The following CACNG8 variants were observed in gnomAD, a reference collection of about 807,000 sequenced individuals.
CACNG8 encodes calcium voltage-gated channel auxiliary subunit gamma 8, also known as voltage-dependent calcium channel gamma-8 subunit.
Under a neutral mutation model 26.9 loss-of-function variants are expected in CACNG8, and 5 were observed. The ratio of observed to expected loss-of-function variants is 0.19; its 90% CI spans 0.10 to 0.39. The LOEUF is 0.39. CACNG8 is among the 10% of genes least tolerant of loss of function. CACNG8 has a pLI of 1.00. For missense variants in CACNG8, 473 were observed against 609.4 expected (o/e 0.78, Z 2.36); for synonymous variants, 321 against 296.7 (o/e 1.08, Z -0.84).
chr19:53,973,537 T>C (rs948531977), intron 1 of CACNG8, among the ~76,000 whole-genome samples: 3 of 138,552 alleles, frequency 2.2e-5, no homozygotes, highest in Admixed American at 7.4e-5. Context: ...AAAAAATAAA[T>C]AAATAAAAAC....
rs1491262474 is a variant in CACNG8 at position 53,980,083 on chromosome 19, T to TGCGC, written c.508+77_508+78insCGCG. The TGCGC allele has an allele frequency of 6.0e-3, 7,298 of 1,225,046 alleles. 12 individuals carry two copies. Among genetic ancestry groups the TGCGC allele is most frequent in the Admixed American group, 8.4e-3 (281 of 33,458 alleles). 75.9% of individuals were successfully genotyped at this position (1,225,046 alleles called of 1,614,324 possible). A position where few individuals can be genotyped will look rare whatever the true frequency, so the allele number is the denominator to read the frequency against. On this transcript the variant is annotated intron_variant, in intron 3 of 3. Transcript: ENST00000270458. ...GTGTGTGTGTGTGTGTGTGTGTGTGTGTGCGCGCGCGCGCGTGAGTGCAAG... is the reference window on the plus strand; with the variant it reads ...GTGTGTGTGTGTGTGTGTGTGTGTGTGCGCGTGCGCGCGCGCGCGTGAGTGCAAG...
At chr19:53,966,163 C>T (rs181362647) in intron 1 of CACNG8, among the ~76,000 whole-genome samples, 4 of 152,254 alleles carry the variant, frequency 2.6e-5, no homozygotes, top group Admixed American at 1.3e-4. Context: ...TCTTGGCTTA[C>T]TGCAACTTCG....
chr19:53,982,879 C>A lies in CACNG8; in HGVS notation c.*30C>A. The A allele has an allele frequency of 8.1e-7, 1 of 1,237,868 alleles. No homozygotes were observed. The highest frequency in any genetic ancestry group is 2.4e-5 in the South Asian group (1 of 41,490). The allele number at this position is 1,237,868 out of a possible 1,614,324, so 76.7% of individuals were successfully genotyped here. A position where few individuals can be genotyped will look rare whatever the true frequency, so the allele number is the denominator to read the frequency against. ...GCGGCGGGGGAGCCGAGGGGCGTGT[C>A]CGGGGCGCGTGCGCGGGCGCGCGTG... is the stretch of plus-strand genomic sequence containing the variant. On this transcript the variant is annotated 3_prime_UTR_variant, in exon 4 of 4. Transcript: ENST00000270458. This position sits in a 1 kb window ranked among gnomAD's most constrained non-coding sequence, Gnocchi z 8.4.
intron 3 of CACNG8, 68 bp downstream of exon 3, chr19:53,980,075 TGTGTGTGTGTGCGCGC>T: frequency 6.9e-7 from 1 of 1,439,168 alleles, no homozygotes; most frequent in Non-Finnish European, 9.2e-7. Flanking sequence ...TGTGTGTGTG[TGTGTGTGTGTGCGCGC>T]GCGCGCGTGA....
At chr19:53,963,505 T>A in intron 1 of CACNG8, 80 bp downstream of exon 1, 1 of 1,356,190 alleles carries the variant, frequency 7.4e-7, no homozygotes. Flanking sequence ...TGCCTGTCCC[T>A]GATCCTGGGG....
Position 53,986,460 on chromosome 19 carries a change from C to T in CACNG8, c.*3611C>T, listed in dbSNP as rs941818792. 1.3e-5 allele frequency: 2 copies of T among 152,138 alleles called. No homozygotes were observed. Among genetic ancestry groups the T allele is most frequent in the Non-Finnish European group, 2.9e-5 (2 of 68,044 alleles). 9.4% of individuals were successfully genotyped at this position (152,138 alleles called of 1,614,324 possible). On this transcript the variant is annotated 3_prime_UTR_variant, in exon 4 of 4. Transcript: ENST00000270458. ...GTGCTTTAAAAATTAAGCTGAAGGC[C>T]GGGCGCAGTGGCTCATGCCTGTAAT...
Position 53,986,923 on chromosome 19 carries a change from A to G in CACNG8, c.*4074A>G, listed in dbSNP as rs2069411454. 1.3e-5 allele frequency: 2 copies of G among 152,268 alleles called. No individual in the cohort carries two copies. The highest frequency in any genetic ancestry group is 6.6e-5 in the Admixed American group (1 of 15,266). The allele number at this position is 152,268 out of a possible 1,614,324, so 9.4% of individuals were successfully genotyped here. On this transcript the variant is annotated 3_prime_UTR_variant, in exon 4 of 4. Transcript: ENST00000270458. ...TCGAGGAGGCCTGTGCGGTGAGCAG[A>G]TCCACCATAGGACAGAGGCACAGGG...
At chr19:53,980,070 G>A (rs1600035543) in intron 3 of CACNG8, 63 bp downstream of exon 3, 3 of 1,427,448 alleles carry the variant, frequency 2.1e-6, no homozygotes, top group South Asian at 2.9e-5. Context: ...GTGTGTGTGT[G>A]TGTGTGTGTG....
chr19:53,968,458 G>T (rs1166570610), intron 1 of CACNG8, among the ~76,000 whole-genome samples: 3 of 151,664 alleles, frequency 2.0e-5, no homozygotes, highest in Non-Finnish European at 4.4e-5. Flanking sequence ...TAAGCTTTCG[G>T]CCAGTCTACT....
In CACNG8 at chr19:53,963,375, AC is replaced by A; in HGVS notation, c.237del (p.Gly80AlafsTer17). 1 of 1,582,482 alleles carries A rather than the reference AC, an allele frequency of 6.3e-7. No individual in the cohort carries two copies. Among genetic ancestry groups the A allele is most frequent in the African/African-American group, 1.4e-5 (1 of 72,608 alleles). On this transcript the variant is annotated frameshift_variant, in exon 1 of 4. Coordinates refer to ENST00000270458, the MANE Select transcript of CACNG8 (RefSeq NM_031895.6). LOFTEE classifies it high-confidence loss of function. ...GGCGGCGGCGCCTCGGAGAAGAAGGACCCCGGCGGCCTCACGCACTCGGGCC... is the reference window on the plus strand; with the variant it reads ...GGCGGCGGCGCCTCGGAGAAGAAGGACCCGGCGGCCTCACGCACTCGGGCC...
Position 53,982,360 on chromosome 19 carries a change from G to T in CACNG8, c.789G>T (p.Leu263=), listed in dbSNP as rs2069375150. The T allele has an allele frequency of 1.3e-6, 2 of 1,541,678 alleles. No individual in the cohort carries two copies. The highest frequency in any genetic ancestry group is 1.7e-6 in the Non-Finnish European group (2 of 1,148,826). ...GCGGCCCCTCGGCCATCCTCCGTCT[G>T]CCCAGTTACCGCTTCCGCTACCGCC... The change falls in exon 4 of 4, where the codon CTG becomes CTT. Residue 263 remains leucine, a synonymous_variant. Coordinates refer to ENST00000270458, the MANE Select transcript of CACNG8 (RefSeq NM_031895.6). This position sits in a 1 kb window ranked among gnomAD's most constrained non-coding sequence, Gnocchi z 8.4.
Position 53,982,708 on chromosome 19 carries a change from C to T in CACNG8, c.1137C>T (p.Gly379=), listed in dbSNP as rs1219705667. ...CCTTCCCCAAGGAGGCGGGCGGCGG[C>T]GTCACGGTCACGGTCACCGGGCCGC... Residue 379 remains glycine, a synonymous_variant, in exon 4 of 4, where the codon GGC becomes GGT. Coordinates refer to ENST00000270458, the MANE Select transcript of CACNG8 (RefSeq NM_031895.6). The surrounding 1 kb of genome is among the most constrained non-coding windows in gnomAD (Gnocchi z 8.4). 7.8e-6 allele frequency: 9 copies of T among 1,155,420 alleles called. No individual in the cohort carries two copies. The highest frequency in any genetic ancestry group is 1.6e-5 in the African/African-American group (1 of 60,868). 71.6% of individuals were successfully genotyped at this position (1,155,420 alleles called of 1,614,324 possible). A position where few individuals can be genotyped will look rare whatever the true frequency, so the allele number is the denominator to read the frequency against.
intron 1 of CACNG8, 76 bp from the exon 2 acceptor site, chr19:53,978,070 G>A (rs2069340476): frequency 2.0e-6 from 2 of 982,824 alleles, no homozygotes. Flanking sequence ...GAAGGGAAGG[G>A]TCGGTTGTCA....
intron 1 of CACNG8, 43 bp downstream of exon 1, chr19:53,963,468 T>G: frequency 7.0e-7 from 1 of 1,420,710 alleles, no homozygotes; most frequent in Non-Finnish European, 9.1e-7. Flanking sequence ...GCCGCTCCCC[T>G]CCGAGAGACC....
chr19:53,973,566 C>T (rs1600029925), intron 1 of CACNG8, among the ~76,000 whole-genome samples: 1 of 151,134 alleles, frequency 6.6e-6, no homozygotes, highest in African/African-American at 2.4e-5. Flanking sequence ...ATGGCTTACC[C>T]CTGTACTCCC....
Position 53,982,223 on chromosome 19 carries a change from G to A in CACNG8, c.652G>A (p.Val218Met), listed in dbSNP as rs1461996852. 7 of 1,613,014 alleles carry A rather than the reference G, an allele frequency of 4.3e-6. No individual in the cohort carries two copies. Among genetic ancestry groups the A allele is most frequent in the Non-Finnish European group, 5.9e-6 (7 of 1,179,768 alleles). ...CGGGCTGTCGTTCATCCTGGCCGAG[G>A]TGATAGGCGTGCTGGCCGTCAACAT... The change falls in exon 4 of 4, where the codon GTG becomes ATG. Residue 218 changes from valine to methionine, a missense_variant. Coordinates refer to ENST00000270458, the MANE Select transcript of CACNG8 (RefSeq NM_031895.6). The surrounding 1 kb of genome is among the most constrained non-coding windows in gnomAD (Gnocchi z 8.4).
In CACNG8 at chr19:53,984,892, G is replaced by T. The variant is rs1486673426; in HGVS notation, c.*2043G>T. ...CATTTGACTCCAAGAGTTCGAGGCT[G>T]CAGTGAGCTAGGATCGCGGCACTAC... is the stretch of plus-strand genomic sequence containing the variant. On this transcript the variant is annotated 3_prime_UTR_variant, in exon 4 of 4. Coordinates refer to ENST00000270458, the MANE Select transcript of CACNG8 (RefSeq NM_031895.6). The T allele has an allele frequency of 6.6e-6, 1 of 152,276 alleles. No individual in the cohort carries two copies. The highest frequency in any genetic ancestry group is 6.6e-5 in the Admixed American group (1 of 15,262). 9.4% of individuals were successfully genotyped at this position (152,276 alleles called of 1,614,324 possible). A position where few individuals can be genotyped will look rare whatever the true frequency, so the allele number is the denominator to read the frequency against.
intron 1 of CACNG8, among the ~76,000 whole-genome samples, chr19:53,972,422 T>G (rs1600029057): frequency 1.4e-5 from 2 of 143,540 alleles, no homozygotes; most frequent in African/African-American, 2.6e-5. Flanking sequence ...AGTGCAATGG[T>G]GTGATCTCTG....
chr19:53,982,787 C>G lies in CACNG8; in HGVS notation c.1216C>G (p.Leu406Val). Residue 406 changes from leucine (L) to valine (V), a missense_variant, in exon 4 of 4, where the codon CTG becomes GTG. Leu to Val is a conservative substitution (Grantham distance 32, BLOSUM62 1). Transcript: ENST00000270458. The surrounding 1 kb of genome is among the most constrained non-coding windows in gnomAD (Gnocchi z 8.4). ...GCCCTCTGCGCCCGCCCCCGGGACC[C>G]TGGCCAAGGAGGCCGCCGCCTCCAA... 1 of 1,358,782 alleles carries G rather than the reference C, an allele frequency of 7.4e-7. No individual in the cohort carries two copies. Among genetic ancestry groups the G allele is most frequent in the Non-Finnish European group, 9.5e-7 (1 of 1,049,336 alleles). The allele number at this position is 1,358,782 out of a possible 1,614,324, so 84.2% of individuals were successfully genotyped here. A position where few individuals can be genotyped will look rare whatever the true frequency, so the allele number is the denominator to read the frequency against.
Sources: gnomAD v4.1 joint callset for allele counts (sites outside exome capture counted in the v4.1 genomes callset) on GRCh38, gnomAD v4.1.1 for gene constraint, Gnocchi (gnomAD v3.1) non-coding constraint, MANE v1.5 for transcripts, NCBI Gene and HGNC (gene_info 2026-07-23, HGNC 2026-07-21) for gene names.